Variants in PCP4L1 observed in about 807,000 individuals in gnomAD.
PCP4L1 encodes the protein Purkinje cell protein 4-like protein 1.
In PCP4L1, 9 loss-of-function variants were observed where a neutral mutation model predicts 9.6. The ratio of observed to expected loss-of-function variants is 0.94; its 90% CI spans 0.57 to 1.64. PCP4L1 has a LOEUF of 1.64. Ranked by LOEUF, PCP4L1 falls within the 40% of genes most tolerant of loss-of-function variation. PCP4L1 has a pLI of 0.00. For synonymous variants in PCP4L1, 31 were observed against 28.2 expected, an observed-to-expected ratio of 1.10 and a Z score of -0.31; for missense variants, 81 against 80.8, an observed-to-expected ratio of 1.00 and a Z score of -0.01.
intron 1 of PCP4L1, among the ~76,000 whole-genome samples, chr1:161,277,299 G>A (rs1669715396): frequency 6.6e-6 from 1 of 152,190 alleles, no homozygotes; most frequent in Admixed American, 6.5e-5. Context: ...GCATATTTGT[G>A]TCAGCATGTG....
chr1:161,273,761 G>T (rs1022333552), intron 1 of PCP4L1, among the ~76,000 whole-genome samples: 2 of 152,208 alleles, frequency 1.3e-5, no homozygotes, highest in Non-Finnish European at 2.9e-5. Flanking sequence ...AGTGATAGGC[G>T]TGGTCTGGGA....
In PCP4L1 at chr1:161,283,557, GGAATGCACCTGGTAATA is replaced by G. The variant is rs1469877073; in HGVS notation, c.10-109_10-93del. 1.2e-5 allele frequency: 11 copies of G among 950,636 alleles called. No homozygotes were observed. In the Admixed American group the frequency reaches 2.8e-4, roughly 24 times the overall value. The allele number at this position is 950,636 out of a possible 1,614,324, so 58.9% of individuals were successfully genotyped here. A position where few individuals can be genotyped will look rare whatever the true frequency, so the allele number is the denominator to read the frequency against. ...AGACTTGCTTCTTCAAAAGACTAAG[GGAATGCACCTGGTAATA>G]GGGTTTGAGAGTATATAAGAGGTCT... is the stretch of plus-strand genomic sequence containing the variant. On this transcript the variant is annotated intron_variant, in intron 1 of 2. Coordinates refer to ENST00000504449, the MANE Select transcript of PCP4L1 (RefSeq NM_001102566.2).
In PCP4L1 at chr1:161,284,715, T is replaced by A. The variant is rs1225499951; in HGVS notation, c.*234T>A. The stretch of plus-strand genomic sequence containing the variant: ...AGTCTAAGGGTGGAACAATTTCTTC[T>A]TGGTATAAGGTTCTTTGATCAGTAG... On this transcript the variant is annotated 3_prime_UTR_variant, in exon 3 of 3. Transcript: ENST00000504449. 1.7e-5 allele frequency: 10 copies of A among 584,798 alleles called. No individual in the cohort carries two copies. The East Asian group carries it at 2.7e-4, about 16-fold the overall frequency. 36.2% of individuals were successfully genotyped at this position (584,798 alleles called of 1,614,324 possible).
At chr1:161,261,787 C>T (rs1669422987) in intron 1 of PCP4L1, among the ~76,000 whole-genome samples, 2 of 152,168 alleles carry the variant, frequency 1.3e-5, no homozygotes, top group South Asian at 2.1e-4. Flanking sequence ...TTTTGGCTGG[C>T]AGGGGCTGGG....
chr1:161,271,098 A>G (rs569355182), intron 1 of PCP4L1, among the ~76,000 whole-genome samples: 43 of 152,340 alleles, frequency 2.8e-4, no homozygotes, highest in Non-Finnish European at 5.1e-4. Flanking sequence ...ATAACTAGCA[A>G]TAGGATTGCT....
Position 161,276,726 on chromosome 1 carries a change from T to TGC in PCP4L1, c.10-6941_10-6940insCG, listed in dbSNP as rs10667033. Reference sequence around the variant, plus strand: ...ATATGTGTGTGTGTGTATATATATATGTGTGTGTGTGTATATATGTGTATA... The same window carrying TGC: ...ATATGTGTGTGTGTGTATATATATATGCGTGTGTGTGTGTATATATGTGTATA... On this transcript the variant is annotated intron_variant, in intron 1 of 2. Transcript: ENST00000504449. Among the ~76,000 whole-genome samples, 96 of 48,488 alleles carry TGC rather than the reference T, an allele frequency of 2.0e-3. 1 individual carries two copies. The highest frequency in any genetic ancestry group is 7.1e-3 in the African/African-American group (90 of 12,684). 31.8% of individuals were successfully genotyped at this position (48,488 alleles called of 152,430 possible). A position where few individuals can be genotyped will look rare whatever the true frequency, so the allele number is the denominator to read the frequency against.
chr1:161,265,677 C>A (rs116108455), intron 1 of PCP4L1, among the ~76,000 whole-genome samples: 1 of 149,908 alleles, frequency 6.7e-6, no homozygotes, highest in East Asian at 2.0e-4. Flanking sequence ...GCTTGACTTG[C>A]GTTGGAATTA....
intron 1 of PCP4L1, among the ~76,000 whole-genome samples, chr1:161,277,897 GA>G (rs1373564237): frequency 1.3e-5 from 2 of 152,324 alleles, no homozygotes; most frequent in East Asian, 3.9e-4. Flanking sequence ...ACAATCAGAA[GA>G]AAACTTTTAT....
At chr1:161,277,763 C>T (rs1042384659) in intron 1 of PCP4L1, among the ~76,000 whole-genome samples, 3 of 152,134 alleles carry the variant, frequency 2.0e-5, no homozygotes, top group Admixed American at 6.6e-5. Flanking sequence ...CCAGCTCACT[C>T]GCTCTCTTAC....
chr1:161,262,523 T>G (rs1458553114), intron 1 of PCP4L1, among the ~76,000 whole-genome samples: 2 of 152,130 alleles, frequency 1.3e-5, no homozygotes, highest in African/African-American at 4.8e-5. Flanking sequence ...CTCATCCCTT[T>G]CTTAGTCTCC....
chr1:161,277,436 T>C (rs1205390524), intron 1 of PCP4L1, among the ~76,000 whole-genome samples: 1 of 152,168 alleles, frequency 6.6e-6, no homozygotes, highest in African/African-American at 2.4e-5. Context: ...TTCCTCAACA[T>C]CTTTCTAAGC....
rs532094605 is a variant in PCP4L1, at chr1:161,258,758, A to T, written c.-217A>T. The T allele has an allele frequency of 1.4e-6, 1 of 695,736 alleles. No homozygotes were observed. Among genetic ancestry groups the T allele is most frequent in the East Asian group, 2.9e-5 (1 of 35,046 alleles). The allele number at this position is 695,736 out of a possible 1,614,324, so 43.1% of individuals were successfully genotyped here. A position where few individuals can be genotyped will look rare whatever the true frequency, so the allele number is the denominator to read the frequency against. ...AGGCGGCGAGCTGAGCGGCTCTGAC[A>T]GGACGGGTCGCAGGGGGTCGCCTGG... On this transcript the variant is annotated 5_prime_UTR_variant, in exon 1 of 3. Transcript: ENST00000504449.
chr1:161,276,266 C>T (rs748582345), intron 1 of PCP4L1, among the ~76,000 whole-genome samples: 8 of 152,160 alleles, frequency 5.3e-5, no homozygotes, highest in Non-Finnish European at 1.2e-4. Context: ...CTGGGTCAGT[C>T]TCCTAAGTCT....
At position 161,283,651 on chromosome 1, in the gene PCP4L1, C is replaced by G. The variant is rs1423771306; in HGVS notation, c.10-17C>G. On this transcript the variant is annotated splice_polypyrimidine_tract_variant and intron_variant, in intron 1 of 2. Transcript: ENST00000504449. ...CCATGAATATCTAATATTCTGATAT[C>G]CTAATATTTTTTCCAGCTTAATACC... The G allele has an allele frequency of 1.3e-6, 2 of 1,579,452 alleles. No individual in the cohort carries two copies. The highest frequency in any genetic ancestry group is 3.6e-5 in the Admixed American group (2 of 55,036).
rs144375912 is a variant in PCP4L1, at chr1:161,278,387, T to TTTTC, written c.10-5268_10-5265dup. ...TTTTCCCTGGTTTCTTGTACCTCTA[T>TTTTC]TTTCTTTCTTTCTTTCCTTCTTTCC... On this transcript the variant is annotated intron_variant, in intron 1 of 2. Coordinates refer to ENST00000504449, the MANE Select transcript of PCP4L1 (RefSeq NM_001102566.2). Among the ~76,000 whole-genome samples the TTTTC allele has an allele frequency of 1.1e-3, 167 of 152,182 alleles. 1 individual carries two copies. Among genetic ancestry groups the TTTTC allele is most frequent in the African/African-American group, 3.9e-3 (162 of 41,538 alleles).
At chr1:161,262,747 C>T (rs1323783026) in intron 1 of PCP4L1, among the ~76,000 whole-genome samples, 1 of 152,146 alleles carries the variant, frequency 6.6e-6, no homozygotes, top group Non-Finnish European at 1.5e-5. Flanking sequence ...TCTTTCATGT[C>T]TGCCTATGGA....
intron 1 of PCP4L1, among the ~76,000 whole-genome samples, chr1:161,273,109 A>G (rs1669648517): frequency 6.6e-6 from 1 of 152,206 alleles, no homozygotes; most frequent in Non-Finnish European, 1.5e-5. Flanking sequence ...CTGCAGAGGA[A>G]ACAAAAGAGT....
At position 161,258,816 on chromosome 1, in the gene PCP4L1, G is replaced by C; in HGVS notation, c.-159G>C. On this transcript the variant is annotated 5_prime_UTR_variant, in exon 1 of 3. Transcript: ENST00000504449. ...TGGGCTCCGAGAATCCCGGGTGCCA[G>C]CACCAGAGCAGCGGCTCTCCGCACT... 8.6e-7 allele frequency: 1 copy of C among 1,158,342 alleles called. No individual in the cohort carries two copies. Among genetic ancestry groups the C allele is most frequent in the South Asian group, 1.4e-5 (1 of 73,912 alleles). The allele number at this position is 1,158,342 out of a possible 1,614,324, so 71.8% of individuals were successfully genotyped here.
intron 1 of PCP4L1, among the ~76,000 whole-genome samples, chr1:161,262,773 G>A (rs1344435229): frequency 6.6e-6 from 1 of 152,224 alleles, no homozygotes. Context: ...TTAACTGATG[G>A]AAGTGGTGGA....
Sources: allele counts gnomAD v4.1 joint callset (sites outside exome capture counted in the v4.1 genomes callset), GRCh38; gene constraint gnomAD v4.1.1; transcripts MANE v1.5; gene names NCBI Gene and HGNC (gene_info 2026-07-23, HGNC 2026-07-21).